Variants in PAPSS1 observed in about 807,000 individuals in gnomAD.
PAPSS1 encodes the protein bifunctional 3'-phosphoadenosine 5'-phosphosulfate synthase 1.
In PAPSS1, 50 loss-of-function variants were observed where a neutral mutation model predicts 72.0. The observed-to-expected ratio is 0.69, with a 90% CI of 0.55 to 0.88. The LOEUF is 0.88. Ranked by LOEUF, PAPSS1 falls within the 40% of genes least tolerant of loss-of-function variation. The pLI is 0.00. For synonymous variants in PAPSS1, 261 were observed against 263.6 expected (o/e 0.99, Z 0.09); for missense variants, 657 against 782.2 (o/e 0.84, Z 1.91).
intron 7 of PAPSS1, among the ~76,000 whole-genome samples, chr4:107,655,422 T>C (rs1022278574): frequency 5.9e-5 from 9 of 152,210 alleles, no homozygotes; most frequent in African/African-American, 2.2e-4. Flanking sequence ...AAAAGTTTTT[T>C]TAAATACAGT....
At chr4:107,713,103 T>C (rs1380924811) in intron 1 of PAPSS1, among the ~76,000 whole-genome samples, 2 of 151,832 alleles carry the variant, frequency 1.3e-5, no homozygotes, top group Admixed American at 6.5e-5. Context: ...CATGCCACCA[T>C]GCGTGGCTAA....
At chr4:107,701,752 C>T (rs1723209673) in intron 1 of PAPSS1, among the ~76,000 whole-genome samples, 2 of 152,172 alleles carry the variant, frequency 1.3e-5, no homozygotes, top group Non-Finnish European at 2.9e-5. Context: ...TTAACTACAA[C>T]ATCAGAGAGT....
Position 107,682,007 on chromosome 4 carries a change from T to TCAG in PAPSS1, c.669+7_669+8insCTG. On this transcript the variant is annotated splice_region_variant and intron_variant, in intron 5 of 11. Coordinates refer to ENST00000265174, the MANE Select transcript of PAPSS1 (RefSeq NM_005443.5). ...TCTCTGATGATTCCTTCTTTCATCC[T>TCAG]CTCTTACCCGTTCCTGTAGAAGTTC... 1 of 1,370,882 alleles carries TCAG rather than the reference T, an allele frequency of 7.3e-7. No individual in the cohort carries two copies. Among genetic ancestry groups the TCAG allele is most frequent in the Admixed American group, 2.0e-5 (1 of 49,210 alleles). The allele number at this position is 1,370,882 out of a possible 1,614,324, so 84.9% of individuals were successfully genotyped here.
intron 11 of PAPSS1, 88 bp downstream of exon 11, chr4:107,631,543 C>T (rs1266555531): frequency 1.3e-5 from 11 of 863,790 alleles, no homozygotes. Context: ...AACCTGTCAT[C>T]AGTAAAGATT....
At chr4:107,621,363 G>A (rs192295646) in intron 11 of PAPSS1, among the ~76,000 whole-genome samples, 26 of 152,182 alleles carry the variant, frequency 1.7e-4, no homozygotes, top group Non-Finnish European at 2.9e-4. Flanking sequence ...ACTCAACTGC[G>A]TACAACTGTG....
At chr4:107,662,431 C>T (rs2110324385) in intron 5 of PAPSS1, among the ~76,000 whole-genome samples, 2 of 152,300 alleles carry the variant, frequency 1.3e-5, no homozygotes, top group East Asian at 3.9e-4. Flanking sequence ...AGGAAGAAAG[C>T]TCCACCAGCT....
chr4:107,661,899 T>C (rs1307439841), intron 5 of PAPSS1, among the ~76,000 whole-genome samples: 1 of 152,178 alleles, frequency 6.6e-6, no homozygotes, highest in Non-Finnish European at 1.5e-5. Context: ...CTATGGGTTC[T>C]GAAAATCTAA....
chr4:107,682,222 T>C (rs1426117397), intron 4 of PAPSS1, 89 bp from the exon 5 acceptor site: 2 of 655,526 alleles, frequency 3.1e-6, no homozygotes, highest in Non-Finnish European at 2.7e-6. Flanking sequence ...ACATTGAAGT[T>C]AGTATCTGCG....
chr4:107,642,875 C>T (rs1240447021), intron 10 of PAPSS1, among the ~76,000 whole-genome samples: 6 of 152,194 alleles, frequency 3.9e-5, no homozygotes, highest in African/African-American at 1.2e-4. Context: ...AAAAAACTGA[C>T]TGGTCGAATC....
intron 5 of PAPSS1, among the ~76,000 whole-genome samples, chr4:107,670,867 T>A (rs918351836): frequency 4.6e-5 from 7 of 152,110 alleles, no homozygotes; most frequent in African/African-American, 1.7e-4. Flanking sequence ...CTCAATTCTA[T>A]AAACAATGGA....
At chr4:107,616,101 T>TGA (rs56286040) in intron 11 of PAPSS1, among the ~76,000 whole-genome samples, 1 of 149,890 alleles carries the variant, frequency 6.7e-6, no homozygotes, top group Non-Finnish European at 1.5e-5. Flanking sequence ...AGAGAGAGAG[T>TGA]GTGTGTGCAC....
rs550944760 is a variant in PAPSS1, at chr4:107,631,803, G to A, written c.1564C>T (p.Arg522Ter). ...GGATGAGGCATGCCAGCAGGGTCTC[G>A]TCCAACAATGTAAAAGTTGGCTCCT... ...VAGANFYIVG[R>*]DPAGMPHPET... Residue 522 changes from arginine to a stop codon, truncating the protein, a stop_gained, in exon 11 of 12, where the codon CGA (arginine) becomes TGA (stop). Coordinates refer to ENST00000265174, the MANE Select transcript of PAPSS1 (RefSeq NM_005443.5). LOFTEE classifies it high-confidence loss of function. 15 of 1,613,982 alleles carry A rather than the reference G, an allele frequency of 9.3e-6. No individual in the cohort carries two copies. Among genetic ancestry groups the A allele is most frequent in the African/African-American group, 1.3e-5 (1 of 74,984 alleles).
intron 4 of PAPSS1, 121 bp downstream of exon 4, chr4:107,686,918 T>C: frequency 1.1e-6 from 1 of 916,848 alleles, no homozygotes; most frequent in Non-Finnish European, 1.7e-6. Context: ...TAAGACTACA[T>C]TCTCTCCTCA....
chr4:107,621,316 A>ATTTTT (rs1288291805), intron 11 of PAPSS1, among the ~76,000 whole-genome samples: 5 of 152,240 alleles, frequency 3.3e-5, no homozygotes, highest in African/African-American at 4.8e-5. Flanking sequence ...TGAAAAGTAA[A>ATTTTT]TTAAAAAGCA....
rs557013316 is a variant in PAPSS1 at position 107,670,883 on chromosome 4, CAGTA to C, written c.670-10815_670-10812del. The stretch of plus-strand genomic sequence containing the variant: ...TCAATTCTATAAACAATGGAAAAAT[CAGTA>C]AGTGTTTTAGAGCGAAAAAAAGGAA... On this transcript the variant is annotated intron_variant, in intron 5 of 11. Coordinates refer to ENST00000265174, the MANE Select transcript of PAPSS1 (RefSeq NM_005443.5). 4.5e-4 allele frequency among the ~76,000 whole-genome samples: 68 copies of C among 152,206 alleles called. 1 individual carries two copies. The East Asian group carries it at 0.013, about 28-fold the overall frequency.
chr4:107,685,244 T>C (rs1722750782), intron 4 of PAPSS1, among the ~76,000 whole-genome samples: 1 of 152,214 alleles, frequency 6.6e-6, no homozygotes, highest in African/African-American at 2.4e-5. Flanking sequence ...GCATTAACTA[T>C]GTGTGTGACA....
chr4:107,650,960 C>G (rs1385170764), intron 9 of PAPSS1, among the ~76,000 whole-genome samples: 1 of 152,124 alleles, frequency 6.6e-6, no homozygotes, highest in Non-Finnish European at 1.5e-5. Context: ...TGCATTGACC[C>G]TTAAATCACA....
At chr4:107,669,293 C>T (rs1441280292) in intron 5 of PAPSS1, among the ~76,000 whole-genome samples, 1 of 152,106 alleles carries the variant, frequency 6.6e-6, no homozygotes, top group African/African-American at 2.4e-5. Flanking sequence ...TCTCCATGTG[C>T]CCTAATGCCC....
intron 5 of PAPSS1, among the ~76,000 whole-genome samples, chr4:107,672,137 G>A (rs1417665934): frequency 6.6e-6 from 1 of 152,214 alleles, no homozygotes; most frequent in Non-Finnish European, 1.5e-5. Flanking sequence ...CTCCCAGTGT[G>A]AGCGACGCAG....
Sources: gnomAD v4.1 joint callset for allele counts (sites outside exome capture counted in the v4.1 genomes callset) on GRCh38, gnomAD v4.1.1 for gene constraint, MANE v1.5 for transcripts, NCBI Gene and HGNC (gene_info 2026-07-23, HGNC 2026-07-21) for gene names.